Variants in ZNF44 observed in about 807,000 individuals in gnomAD.
ZNF44 encodes the protein zinc finger protein 44.
Under a neutral mutation model 11.7 loss-of-function variants are expected in ZNF44, and 9 were observed. The ratio of observed to expected loss-of-function variants is 0.77; its 90% CI spans 0.46 to 1.35. The LOEUF (loss-of-function observed/expected upper bound fraction) is 1.35, where lower values mean the gene tolerates loss of function less well. ZNF44 is among the 40% of genes most tolerant of loss of function. The pLI, the probability that ZNF44 is intolerant of heterozygous loss-of-function variation, is 0.00. For synonymous variants in ZNF44, 224 were observed against 242.7 expected (o/e 0.92, Z 0.72); for missense variants, 696 against 743.1 (o/e 0.94, Z 0.74).
intron 1 of ZNF44, among the ~76,000 whole-genome samples, chr19:12,236,032 T>A (rs567822984): frequency 6.6e-6 from 1 of 152,190 alleles, no homozygotes; most frequent in Admixed American, 6.5e-5. Context: ...AGAAAAATAT[T>A]TTAAAAAGAG....
At chr19:12,258,700 A>T (rs1917372554) in intron 5 of ZNF44, among the ~76,000 whole-genome samples, 1 of 151,992 alleles carries the variant, frequency 6.6e-6, no homozygotes, top group South Asian at 2.1e-4. Context: ...CGTGGTGGCA[A>T]GTGCCTGCAA....
chr19:12,261,331 C>T (rs1240904358), intron 5 of ZNF44, among the ~76,000 whole-genome samples: 5 of 152,182 alleles, frequency 3.3e-5, no homozygotes, highest in Non-Finnish European at 7.3e-5. Context: ...ATTACAAGAA[C>T]AATGTTGAAC....
chr19:12,236,211 G>A (rs73921434), intron 1 of ZNF44, among the ~76,000 whole-genome samples: 1,580 of 152,210 alleles, frequency 0.01, 25 homozygotes, highest in African/African-American at 0.036. Context: ...GGTTAAGTTC[G>A]GCAAACAGAA....
intron 1 of ZNF44, 55 bp downstream of exon 1, chr19:12,294,637 C>G: frequency 6.5e-7 from 1 of 1,547,326 alleles, no homozygotes; most frequent in Non-Finnish European, 8.7e-7. Flanking sequence ...CCGGTTCCGA[C>G]TGGTTCCGAC....
intron 1 of ZNF44, among the ~76,000 whole-genome samples, chr19:12,292,016 AAGAAAAAAAG>A (rs1398696639): frequency 5.3e-5 from 8 of 151,524 alleles, no homozygotes; most frequent in Non-Finnish European, 1.0e-4. Flanking sequence ...AAGAAAAGAA[AAGAAAAAAAG>A]TTTTTAAAAA....
At position 12,259,095 on chromosome 19, in the gene ZNF44, G is replaced by A. The variant is rs752858462; in HGVS notation, c.1913-8727C>T. Among the ~76,000 whole-genome samples the A allele has an allele frequency of 2.8e-4, 42 of 152,138 alleles. No individual in the cohort carries two copies. The Middle Eastern group carries it at 0.01, about 37-fold the overall frequency. ...CCACCATGTTGCCCAGGCTCGTCTT[G>A]AACTCATGGGCTCCAGCAATCCACC... is the stretch of plus-strand genomic sequence containing the variant. On this transcript the variant is annotated intron_variant and NMD_transcript_variant, in intron 5 of 7. Transcript: ENST00000393337.
chr19:12,281,483 T>C (rs908060568), intron 1 of ZNF44, among the ~76,000 whole-genome samples: 5 of 152,068 alleles, frequency 3.3e-5, no homozygotes, highest in African/African-American at 9.7e-5. Context: ...AAGTAAAGGT[T>C]TAAAATCAAC....
chr19:12,225,959 G>T (rs1915898334), downstream of ZNF44, among the ~76,000 whole-genome samples: 1 of 152,190 alleles, frequency 6.6e-6, no homozygotes, highest in South Asian at 2.1e-4. Flanking sequence ...CTTGTAGCCA[G>T]AAAAATTAGA....
chr19:12,255,725 C>T (rs1418345690), intron 5 of ZNF44, among the ~76,000 whole-genome samples: 1 of 152,038 alleles, frequency 6.6e-6, no homozygotes, highest in Non-Finnish European at 1.5e-5. Flanking sequence ...CCTGCAGGGC[C>T]ACAAGAAGGG....
intron 1 of ZNF44, among the ~76,000 whole-genome samples, chr19:12,286,532 G>A (rs1369847931): frequency 6.6e-6 from 1 of 152,138 alleles, no homozygotes; most frequent in Admixed American, 6.5e-5. Flanking sequence ...TGCTCGGGAG[G>A]CTGAGGCAGA....
chr19:12,231,490 A>G (rs150784337), intron 2 of ZNF44, among the ~76,000 whole-genome samples: 1 of 152,230 alleles, frequency 6.6e-6, no homozygotes, highest in South Asian at 2.1e-4. Context: ...TGTGAAACAC[A>G]TAGCTCCTAA....
In ZNF44 at chr19:12,260,315, G is replaced by A. The variant is rs879205057; in HGVS notation, c.1913-9947C>T. On this transcript the variant is annotated intron_variant and NMD_transcript_variant, in intron 5 of 7. Transcript: ENST00000393337. The stretch of plus-strand genomic sequence containing the variant: ...AGGACAAAGGTGTGGTGGTGGTCAC[G>A]AAGCAGAGATCCGGCCAGCCGAAGC... The A allele has an allele frequency of 2.5e-5, 22 of 880,696 alleles. No individual in the cohort carries two copies. The African/African-American group carries it at 2.9e-4, about 12-fold the overall frequency. The allele number at this position is 880,696 out of a possible 1,614,324, so 54.6% of individuals were successfully genotyped here. A position where few individuals can be genotyped will look rare whatever the true frequency, so the allele number is the denominator to read the frequency against.
intron 1 of ZNF44, among the ~76,000 whole-genome samples, chr19:12,290,123 C>T (rs187220803): frequency 6.6e-6 from 1 of 152,198 alleles, no homozygotes; most frequent in Admixed American, 6.5e-5. Context: ...TGGTGGCTCA[C>T]GCCTGTAATC....
chr19:12,238,489 G>T (rs946657021), upstream of ZNF44, among the ~76,000 whole-genome samples: 1 of 151,894 alleles, frequency 6.6e-6, no homozygotes, highest in East Asian at 1.9e-4. Context: ...TCAGCTGGGC[G>T]TGGTGGCACG....
At chr19:12,287,693 A>G (rs1967826328) in intron 1 of ZNF44, among the ~76,000 whole-genome samples, 1 of 152,156 alleles carries the variant, frequency 6.6e-6, no homozygotes, top group Admixed American at 6.5e-5. Flanking sequence ...CCACATTTTC[A>G]TTATTCAATC....
upstream of ZNF44, among the ~76,000 whole-genome samples, chr19:12,241,527 C>G (rs915284164): frequency 1.3e-5 from 2 of 152,130 alleles, no homozygotes; most frequent in East Asian, 3.9e-4. Context: ...AACCCTGTCT[C>G]TACTAAAAAT....
chr19:12,248,564 A>T lies in ZNF44; in HGVS notation c.*301T>A, dbSNP rs563879689. 1.2e-5 allele frequency: 15 copies of T among 1,291,672 alleles called. No homozygotes were observed. In the African/African-American group the frequency reaches 1.2e-4, roughly 10 times the overall value. The allele number at this position is 1,291,672 out of a possible 1,614,324, so 80.0% of individuals were successfully genotyped here. Reference sequence around the variant, plus strand: ...CTTTTCCACATACACTGCTTTCCCAAAGCTTTCCTCCAGAAGGAGTTTTCT... The same window carrying T: ...CTTTTCCACATACACTGCTTTCCCATAGCTTTCCTCCAGAAGGAGTTTTCT... On this transcript the variant is annotated 3_prime_UTR_variant and NMD_transcript_variant, in exon 8 of 8. Coordinates refer to the ZNF44 transcript ENST00000393337.
downstream of ZNF44, chr19:12,244,465 A>C (rs565549246): frequency 2.7e-4 from 41 of 152,498 alleles, no homozygotes; most frequent in African/African-American, 9.9e-4. Flanking sequence ...GAGGTACTTT[A>C]TAGATAACAG....
intron 1 of ZNF44, among the ~76,000 whole-genome samples, chr19:12,284,016 C>T (rs1449944556): frequency 6.6e-6 from 1 of 152,040 alleles, no homozygotes. Flanking sequence ...AAGAGTTCAT[C>T]TAAGTAGAAT....
Sources: gnomAD v4.1 joint callset for allele counts (sites outside exome capture counted in the v4.1 genomes callset) on GRCh38, gnomAD v4.1.1 for gene constraint, MANE v1.5 for transcripts, NCBI Gene and HGNC (gene_info 2026-07-23, HGNC 2026-07-21) for gene names.